Variants in UNC5D observed in about 807,000 individuals in gnomAD.
The protein encoded by UNC5D is netrin receptor UNC5D.
In UNC5D, 39 loss-of-function variants were observed where a neutral mutation model predicts 105.4. The ratio of observed to expected loss-of-function variants is 0.37; its 90% CI spans 0.29 to 0.48. The LOEUF (loss-of-function observed/expected upper bound fraction) is 0.48, where lower values mean the gene tolerates loss of function less well. UNC5D is among the 20% of genes least tolerant of loss of function. The pLI is 0.98. For synonymous variants in UNC5D, 452 were observed against 450.4 expected (o/e 1.00, Z -0.04); for missense variants, 991 against 1,202.4 (o/e 0.82, Z 2.60).
intron 4 of UNC5D, among the ~76,000 whole-genome samples, chr8:35,678,482 T>C (rs1020221896): frequency 1.3e-5 from 2 of 152,214 alleles, no homozygotes; most frequent in African/African-American, 2.4e-5. Context: ...AGATTTTACC[T>C]TGAATTTGCC....
chr8:35,648,991 T>G (rs1422554986), intron 4 of UNC5D, among the ~76,000 whole-genome samples: 2 of 152,106 alleles, frequency 1.3e-5, no homozygotes, highest in Non-Finnish European at 2.9e-5. Flanking sequence ...CAATACAATG[T>G]CAAGAACAAA....
At chr8:35,241,902 T>C (rs1802830216) in intron 1 of UNC5D, among the ~76,000 whole-genome samples, 1 of 152,218 alleles carries the variant, frequency 6.6e-6, no homozygotes, top group Non-Finnish European at 1.5e-5. Context: ...ATAGTCACCC[T>C]ACTGATCTAT....
intron 1 of UNC5D, among the ~76,000 whole-genome samples, chr8:35,288,203 C>T (rs1253196966): frequency 1.3e-5 from 2 of 152,018 alleles, no homozygotes. Flanking sequence ...AAAGTAGCTA[C>T]AGAAAATAAG....
rs528023014 is a variant in UNC5D at position 35,547,400 on chromosome 8, G to C, written c.104-1892G>C. Among the ~76,000 whole-genome samples, 7 of 150,810 alleles carry C rather than the reference G, an allele frequency of 4.6e-5. No homozygotes were observed. In the East Asian group the frequency reaches 1.4e-3, roughly 30 times the overall value. The stretch of plus-strand genomic sequence containing the variant: ...TGCAACCTCTGCCTTCCAGGTTCAA[G>C]CAATTCTCCTGCCTCAGCCTCTCAA... On this transcript the variant is annotated intron_variant, in intron 1 of 16. Coordinates refer to ENST00000404895, the MANE Select transcript of UNC5D (RefSeq NM_080872.4).
rs1821702491 is a variant in UNC5D at position 35,626,425 on chromosome 8, T to A, written c.570+30768T>A. Among the ~76,000 whole-genome samples the A allele has an allele frequency of 2.0e-5, 3 of 152,200 alleles. No individual in the cohort carries two copies. In the South Asian group the frequency reaches 6.2e-4, roughly 31 times the overall value. ...GCAGCCTCCCTTTGGAATTTAACTCTCTGATTAGCTATATGCATATATGAG... is the reference window on the plus strand; with the variant it reads ...GCAGCCTCCCTTTGGAATTTAACTCACTGATTAGCTATATGCATATATGAG... On this transcript the variant is annotated intron_variant, in intron 4 of 16. Transcript: ENST00000404895.
chr8:35,363,048 A>G (rs1292506210), intron 1 of UNC5D, among the ~76,000 whole-genome samples: 1 of 152,092 alleles, frequency 6.6e-6, no homozygotes, highest in Non-Finnish European at 1.5e-5. Context: ...TTAGTCTCCA[A>G]TTTGGAACAG....
chr8:35,753,748 A>T (rs1042711749), intron 13 of UNC5D, among the ~76,000 whole-genome samples: 2 of 152,214 alleles, frequency 1.3e-5, no homozygotes, highest in Non-Finnish European at 2.9e-5. Flanking sequence ...TCATGAGCAG[A>T]AAGGCCATGT....
intron 1 of UNC5D, chr8:35,544,267 C>A: frequency 9.1e-7 from 1 of 1,102,224 alleles, no homozygotes; most frequent in Non-Finnish European, 1.2e-6. Context: ...CTTTCCTGAA[C>A]AGCTGATGGC....
rs1284773778 is a variant in UNC5D at position 35,471,432 on chromosome 8, G to GT, written c.104-77853dup. On this transcript the variant is annotated intron_variant, in intron 1 of 16. Transcript: ENST00000404895. ...ATACTTTAACAAAGCATTCAGTGAG[G>GT]TTTTTTTAATAATTAAAGTGAATTA... Among the ~76,000 whole-genome samples the GT allele has an allele frequency of 7.2e-5, 11 of 152,172 alleles. No homozygotes were observed. The South Asian group carries it at 1.2e-3, about 17-fold the overall frequency.
At chr8:35,509,206 G>C (rs1175801634) in intron 1 of UNC5D, among the ~76,000 whole-genome samples, 1 of 151,778 alleles carries the variant, frequency 6.6e-6, no homozygotes, top group African/African-American at 2.4e-5. Context: ...GTATATGGTG[G>C]GGTACAGGGC....
intron 1 of UNC5D, among the ~76,000 whole-genome samples, chr8:35,391,269 C>T (rs1034558841): frequency 1.3e-5 from 2 of 152,192 alleles, no homozygotes; most frequent in African/African-American, 2.4e-5. Context: ...TCCTGGGATT[C>T]CTTCTTCTCC....
intron 1 of UNC5D, among the ~76,000 whole-genome samples, chr8:35,443,307 G>C (rs919758285): frequency 1.3e-5 from 2 of 151,668 alleles, no homozygotes; most frequent in Non-Finnish European, 2.9e-5. Context: ...GCTCTCTGTG[G>C]AAATGAGGAA....
intron 1 of UNC5D, among the ~76,000 whole-genome samples, chr8:35,490,847 G>A (rs1198502402): frequency 6.6e-6 from 1 of 151,906 alleles, no homozygotes; most frequent in Non-Finnish European, 1.5e-5. Context: ...TGACCTATCA[G>A]GAATAGTTTT....
intron 1 of UNC5D, chr8:35,525,513 A>G (rs1813804204): frequency 6.2e-7 from 1 of 1,612,336 alleles, no homozygotes; most frequent in African/African-American, 1.3e-5. Flanking sequence ...AAGCTTACTA[A>G]CATTGAGTGA....
chr8:35,269,131 A>C (rs1805094874), intron 1 of UNC5D, among the ~76,000 whole-genome samples: 1 of 152,240 alleles, frequency 6.6e-6, no homozygotes, highest in Admixed American at 6.5e-5. Context: ...TGATCTTTAC[A>C]AATTATATGA....
At chr8:35,596,503 T>A (rs1022721033) in intron 4 of UNC5D, among the ~76,000 whole-genome samples, 3 of 152,136 alleles carry the variant, frequency 2.0e-5, no homozygotes, top group Non-Finnish European at 4.4e-5. Context: ...TTTATAAAGT[T>A]TATTTTGCCA....
At chr8:35,249,559 AAATAATAATAATAATAAT>A (rs148177480) in intron 1 of UNC5D, among the ~76,000 whole-genome samples, 62 of 142,630 alleles carry the variant, frequency 4.3e-4, no homozygotes, top group South Asian at 8.9e-4. Flanking sequence ...CTCTGTCTCA[AAATAATAATAATAATAAT>A]AATAATAATA....
intron 1 of UNC5D, among the ~76,000 whole-genome samples, chr8:35,281,928 C>T (rs1410271489): frequency 1.3e-5 from 2 of 152,128 alleles, no homozygotes; most frequent in African/African-American, 2.4e-5. Flanking sequence ...TTTTATACCA[C>T]CTTTTGAATA....
intron 7 of UNC5D, among the ~76,000 whole-genome samples, chr8:35,697,555 C>G (rs1269393565): frequency 6.6e-6 from 1 of 152,034 alleles, no homozygotes; most frequent in East Asian, 1.9e-4. Flanking sequence ...ACTCCAAACT[C>G]CTCATCAAGT....
Sources: allele counts gnomAD v4.1 joint callset (sites outside exome capture counted in the v4.1 genomes callset), GRCh38; gene constraint gnomAD v4.1.1; transcripts MANE v1.5; gene names NCBI Gene and HGNC (gene_info 2026-07-23, HGNC 2026-07-21).